The following CNTN1 variants were observed in gnomAD, a reference collection of about 807,000 sequenced individuals.
The protein encoded by CNTN1 is contactin 1, also known as contactin-1.
Under a neutral mutation model 126.4 loss-of-function variants are expected in CNTN1, and 38 were observed. The observed-to-expected ratio is 0.30, with a 90% CI of 0.23 to 0.39. The LOEUF (loss-of-function observed/expected upper bound fraction) is 0.39, where lower values mean the gene tolerates loss of function less well. CNTN1 is among the 10% of genes least tolerant of loss of function. The pLI, the probability that CNTN1 is intolerant of heterozygous loss-of-function variation, is 1.00. For synonymous variants in CNTN1, 413 were observed against 422.6 expected (o/e 0.98, Z 0.28); for missense variants, 1,009 against 1,248.4 (o/e 0.81, Z 2.89).
intron 1 of CNTN1, among the ~76,000 whole-genome samples, chr12:40,727,045 A>G (rs1942373085): frequency 6.7e-6 from 1 of 149,968 alleles, no homozygotes; most frequent in South Asian, 2.1e-4. Flanking sequence ...TCTTTAAAAT[A>G]CTTCCTCATG....
intron 1 of CNTN1, among the ~76,000 whole-genome samples, chr12:40,869,926 G>C (rs138389769): frequency 3.4e-4 from 52 of 152,284 alleles, no homozygotes; most frequent in African/African-American, 1.2e-3. Flanking sequence ...ATCTTGAATT[G>C]TAACTCCCAT....
intron 23 of CNTN1, among the ~76,000 whole-genome samples, chr12:41,033,472 G>T (rs1949188744): frequency 6.6e-6 from 1 of 152,090 alleles, no homozygotes; most frequent in African/African-American, 2.4e-5. Flanking sequence ...TTAATTATTT[G>T]TAGTGAGCAT....
chr12:40,983,605 T>C (rs1947876082), intron 16 of CNTN1, among the ~76,000 whole-genome samples: 1 of 151,678 alleles, frequency 6.6e-6, no homozygotes, highest in Non-Finnish European at 1.5e-5. Flanking sequence ...CTCTAGGGCT[T>C]ACCAGATACA....
intron 15 of CNTN1, among the ~76,000 whole-genome samples, chr12:40,976,607 A>G (rs1356744456): frequency 6.6e-6 from 1 of 151,608 alleles, no homozygotes; most frequent in Non-Finnish European, 1.5e-5. Context: ...TTTTTCATTG[A>G]CAAAAGAATC....
chr12:40,886,481 G>A (rs1318679593), intron 1 of CNTN1, among the ~76,000 whole-genome samples: 2 of 152,142 alleles, frequency 1.3e-5, no homozygotes, highest in Non-Finnish European at 2.9e-5. Context: ...TTTGTCAGAG[G>A]AGTAGGTTGC....
chr12:40,964,444 T>C (rs1026850394), intron 15 of CNTN1, among the ~76,000 whole-genome samples: 3 of 152,120 alleles, frequency 2.0e-5, no homozygotes, highest in African/African-American at 7.2e-5. Context: ...AAGAAGTTTG[T>C]GTTGTTTACA....
chr12:40,710,758 T>C (rs1281401900), intron 1 of CNTN1, among the ~76,000 whole-genome samples: 1 of 152,170 alleles, frequency 6.6e-6, no homozygotes, highest in Non-Finnish European at 1.5e-5. Flanking sequence ...TTTACAAATA[T>C]TATTTATTCA....
intron 1 of CNTN1, among the ~76,000 whole-genome samples, chr12:40,833,581 A>G (rs1422105162): frequency 6.9e-6 from 1 of 144,550 alleles, no homozygotes; most frequent in African/African-American, 2.5e-5. Flanking sequence ...TTAAAAAAAA[A>G]AATCATTACC....
intron 14 of CNTN1, among the ~76,000 whole-genome samples, chr12:40,957,105 T>C (rs1380150717): frequency 6.6e-6 from 1 of 151,812 alleles, no homozygotes; most frequent in Non-Finnish European, 1.5e-5. Flanking sequence ...AGAAGTCAAA[T>C]AAGATGAGCT....
Position 40,904,119 on chromosome 12 carries a change from C to G in CNTN1, c.-76-4238C>G, listed in dbSNP as rs188540825. ...CTGCAAGCTCCGCCTCCTGGGTTCA[C>G]GCCATTCTCCTGCCTCAGCCTCCCG... On this transcript the variant is annotated intron_variant, in intron 1 of 23. Transcript: ENST00000551295. Among the ~76,000 whole-genome samples, 276 of 151,574 alleles carry G rather than the reference C, an allele frequency of 1.8e-3. 7 individuals carry two copies. The highest frequency in any genetic ancestry group is 0.018 in the East Asian group (89 of 5,028).
At chr12:40,698,028 G>T (rs752481409) in intron 1 of CNTN1, among the ~76,000 whole-genome samples, 17 of 152,056 alleles carry the variant, frequency 1.1e-4, no homozygotes, top group Non-Finnish European at 2.4e-4. Flanking sequence ...GATTTTGATG[G>T]TGTAGACCTG....
intron 1 of CNTN1, among the ~76,000 whole-genome samples, chr12:40,824,662 A>G (rs1456058952): frequency 4.6e-5 from 7 of 152,154 alleles, no homozygotes; most frequent in Non-Finnish European, 1.0e-4. Context: ...ATGCTCTTGT[A>G]GTACAAATGG....
chr12:40,866,704 T>A (rs1214606906), intron 1 of CNTN1, among the ~76,000 whole-genome samples: 5 of 152,176 alleles, frequency 3.3e-5, no homozygotes, highest in Non-Finnish European at 5.9e-5. Context: ...CTAGCCAGAT[T>A]CAGTTTGCTA....
At chr12:40,720,376 A>G (rs1592009272) in intron 1 of CNTN1, among the ~76,000 whole-genome samples, 1 of 151,242 alleles carries the variant, frequency 6.6e-6, no homozygotes, top group Non-Finnish European at 1.5e-5. Context: ...TACTATAGCT[A>G]GATCACAGGA....
rs1033656256 is a variant in CNTN1 at position 40,918,762 on chromosome 12, C to T, written c.218C>T (p.Pro73Leu). 8.1e-6 allele frequency: 13 copies of T among 1,613,278 alleles called. No individual in the cohort carries two copies. The highest frequency in any genetic ancestry group is 2.2e-5 in the East Asian group (1 of 44,860). The stretch of plus-strand genomic sequence containing the variant: ...TGTAGGGCACGAGCCAGCCCTTTCC[C>T]GGTTTACAAGTAATGTACCTCGCTT... The part of the protein sequence containing the change: ...LNCRARASPF[P>L]VYKWRMNNGD... The change falls in exon 4 of 24, where the codon CCG becomes CTG. Residue 73 changes from proline (P) to leucine (L), a missense_variant. Coordinates refer to ENST00000551295, the MANE Select transcript of CNTN1 (RefSeq NM_001843.4).
intron 17 of CNTN1, among the ~76,000 whole-genome samples, chr12:41,008,638 C>T (rs1011162915): frequency 6.6e-6 from 1 of 152,156 alleles, no homozygotes; most frequent in Non-Finnish European, 1.5e-5. Context: ...TCCTAAACAT[C>T]CTTCTTTTTA....
At chr12:40,993,015 G>A (rs1948129523) in intron 16 of CNTN1, 105 bp from the exon 17 acceptor site, 2 of 1,023,556 alleles carry the variant, frequency 2.0e-6, no homozygotes, top group Non-Finnish European at 3.0e-6. Flanking sequence ...CTTCAACTCA[G>A]TGTAATATAT....
chr12:41,015,976 T>G (rs544350894), intron 18 of CNTN1, among the ~76,000 whole-genome samples: 37 of 152,338 alleles, frequency 2.4e-4, no homozygotes, highest in African/African-American at 8.2e-4. Flanking sequence ...AGTGCAATAT[T>G]GTCCCTTCCT....
intron 1 of CNTN1, among the ~76,000 whole-genome samples, chr12:40,728,507 T>C (rs778603256): frequency 7.2e-5 from 11 of 152,286 alleles, no homozygotes; most frequent in Non-Finnish European, 1.2e-4. Flanking sequence ...AATATCTCAC[T>C]GGGTAGAACT....
Sources: allele counts gnomAD v4.1 joint callset (sites outside exome capture counted in the v4.1 genomes callset), GRCh38; gene constraint gnomAD v4.1.1; transcripts MANE v1.5; gene names NCBI Gene and HGNC (gene_info 2026-07-23, HGNC 2026-07-21).